SUFU: variants seen among roughly 807,000 people sequenced by gnomAD.
The protein encoded by SUFU is suppressor of fused homolog.
Under a neutral mutation model 58.9 loss-of-function variants are expected in SUFU, and 7 were observed. The observed-to-expected ratio is 0.12, with a 90% CI of 0.07 to 0.22. The LOEUF (loss-of-function observed/expected upper bound fraction) is 0.22, where lower values mean the gene tolerates loss of function less well. Among genes scored for constraint, SUFU ranks in the 10% least tolerant of loss-of-function variants. SUFU has a pLI of 1.00. For missense variants in SUFU, 451 were observed against 641.3 expected (o/e 0.70, Z 3.20); for synonymous variants, 232 against 254.8 (o/e 0.91, Z 0.85).
rs770989077 is a variant in SUFU at position 102,509,242 on chromosome 10, G to A, written c.256G>A (p.Glu86Lys). ...NVGSPSANIPEHWHYISFGLS... is the reference protein window; with the variant it reads ...NVGSPSANIPKHWHYISFGLS... ...GGGGAGCCCTTCTGCTAACATCCCC[G>A]AGCACTGGCACTACATCAGCTTCGG... The change falls in exon 2 of 12, where the codon GAG becomes AAG. Residue 86 changes from glutamate (E) to lysine (K), a missense_variant. Transcript: ENST00000369902. 4.3e-6 allele frequency: 7 copies of A among 1,614,036 alleles called. No homozygotes were observed. Among genetic ancestry groups the A allele is most frequent in the African/African-American group, 1.3e-5 (1 of 74,916 alleles).
At chr10:102,587,180 G>C (rs913489103) in intron 3 of SUFU, among the ~76,000 whole-genome samples, 1 of 152,158 alleles carries the variant, frequency 6.6e-6, no homozygotes, top group Non-Finnish European at 1.5e-5. Context: ...ACAAATATCT[G>C]TTTGAGACCA....
chr10:102,592,577 C>T lies in SUFU; in HGVS notation c.455-5C>T, dbSNP rs2135866563. Reference sequence around the variant, plus strand: ...ACAATGAGGATCCTTGTATCTCTCCCACAGAGAACACCTTCTGCAGTGGGG... The same window carrying T: ...ACAATGAGGATCCTTGTATCTCTCCTACAGAGAACACCTTCTGCAGTGGGG... On this transcript the variant is annotated splice_polypyrimidine_tract_variant and splice_region_variant and intron_variant, in intron 3 of 11. Transcript: ENST00000369902. 3 of 1,614,066 alleles carry T rather than the reference C, an allele frequency of 1.9e-6. No homozygotes were observed. The highest frequency in any genetic ancestry group is 2.5e-6 in the Non-Finnish European group (3 of 1,180,020).
chr10:102,588,686 C>T (rs2063362047), intron 3 of SUFU, among the ~76,000 whole-genome samples: 1 of 152,192 alleles, frequency 6.6e-6, no homozygotes, highest in Non-Finnish European at 1.5e-5. Flanking sequence ...AGGGATTGCA[C>T]TGAACCCGTA....
chr10:102,531,082 CAAAAAA>C (rs5787463), intron 2 of SUFU, among the ~76,000 whole-genome samples: 16 of 95,424 alleles, frequency 1.7e-4, no homozygotes, highest in African/African-American at 6.2e-4. Flanking sequence ...CCATTTCTAC[CAAAAAA>C]AAAAAAAAAA....
intron 5 of SUFU, 46 bp downstream of exon 5, chr10:102,593,767 G>A (rs1318350823): frequency 6.3e-7 from 1 of 1,589,722 alleles, no homozygotes; most frequent in South Asian, 1.1e-5. Flanking sequence ...GGGCCTGGGG[G>A]TGGGAGTCCC....
Position 102,617,280 on chromosome 10 carries a change from C to T in SUFU, c.1158-10C>T, listed in dbSNP as rs904045520. ...CCAGCTCCTCACTGTCTCCATGTTC[C>T]CATCTCCAGGGGCAGGCTCCTGCAT... is the stretch of plus-strand genomic sequence containing the variant. On this transcript the variant is annotated splice_polypyrimidine_tract_variant and intron_variant, in intron 9 of 11. Coordinates refer to ENST00000369902, the MANE Select transcript of SUFU (RefSeq NM_016169.4). This position sits in a 1 kb window ranked among gnomAD's most constrained non-coding sequence, Gnocchi z 4.4. 6 of 1,614,204 alleles carry T rather than the reference C, an allele frequency of 3.7e-6. No individual in the cohort carries two copies. The Admixed American group carries it at 8.3e-5, about 22-fold the overall frequency.
intron 2 of SUFU, among the ~76,000 whole-genome samples, chr10:102,537,431 C>G (rs1226678071): frequency 1.3e-5 from 2 of 152,100 alleles, no homozygotes. Flanking sequence ...GCACCCAGCC[C>G]AAAATTTACC....
At chr10:102,555,294 T>C (rs977679903) in intron 3 of SUFU, among the ~76,000 whole-genome samples, 6 of 148,724 alleles carry the variant, frequency 4.0e-5, no homozygotes, top group Non-Finnish European at 7.4e-5. Context: ...AAAAAAACTT[T>C]ATATGGATCA....
rs1331235927 is a variant in SUFU at position 102,631,144 on chromosome 10, TG to T, written c.*990del. On this transcript the variant is annotated 3_prime_UTR_variant, in exon 12 of 12. Coordinates refer to ENST00000369902, the MANE Select transcript of SUFU (RefSeq NM_016169.4). ...GGGTCTCCAGCTCTGTAACCAGTCC[TG>T]TCCCATTTCCTCAGTCCCTGGGCCT... is the stretch of plus-strand genomic sequence containing the variant. The T allele has an allele frequency of 8.6e-6, 2 of 233,356 alleles. No individual in the cohort carries two copies. The highest frequency in any genetic ancestry group is 4.4e-5 in the African/African-American group (2 of 45,348). 14.5% of individuals were successfully genotyped at this position (233,356 alleles called of 1,614,324 possible). A position where few individuals can be genotyped will look rare whatever the true frequency, so the allele number is the denominator to read the frequency against.
At position 102,612,169 on chromosome 10, in the gene SUFU, TTGTGTGTGTGTG is replaced by T. The variant is rs34032732; in HGVS notation, c.1023-3070_1023-3059del. ...AACAAATCAGCAGAAAACTGGGTTCTTGTGTGTGTGTGTGTGTGTGTGTGTGTGTGTGTGTGT... is the reference window on the plus strand; with the variant it reads ...AACAAATCAGCAGAAAACTGGGTTCTTGTGTGTGTGTGTGTGTGTGTGTGT... On this transcript the variant is annotated intron_variant, in intron 8 of 11. Transcript: ENST00000369902. Among the ~76,000 whole-genome samples, 64 of 148,328 alleles carry T rather than the reference TTGTGTGTGTGTG, an allele frequency of 4.3e-4. No individual in the cohort carries two copies. The South Asian group carries it at 9.7e-3, about 23-fold the overall frequency.
intron 1 of SUFU, among the ~76,000 whole-genome samples, chr10:102,507,961 A>ATTTTTTTTTTTTTTTTTTTTTTTTTT (rs3061832): frequency 8.6e-6 from 1 of 116,582 alleles, no homozygotes; most frequent in Non-Finnish European, 1.8e-5. Flanking sequence ...TTTCTTATCC[A>ATTTTTTTTTTTTTTTTTTTTTTTTTT]TTTTTTTTTT....
chr10:102,512,896 C>G (rs142566059), intron 2 of SUFU, among the ~76,000 whole-genome samples: 153 of 152,052 alleles, frequency 1.0e-3, no homozygotes, highest in Non-Finnish European at 1.8e-3. Flanking sequence ...AGACCCTCCC[C>G]CATCTCTACA....
intron 2 of SUFU, among the ~76,000 whole-genome samples, chr10:102,510,277 T>C (rs183566502): frequency 1.3e-5 from 2 of 152,184 alleles, no homozygotes; most frequent in East Asian, 3.9e-4. Flanking sequence ...TGGGGTGATC[T>C]TGGCTCACTG....
intron 1 of SUFU, among the ~76,000 whole-genome samples, chr10:102,505,803 C>T (rs1236824799): frequency 6.6e-6 from 1 of 152,152 alleles, no homozygotes; most frequent in African/African-American, 2.4e-5. Flanking sequence ...TGTTGAAGAG[C>T]GCTTCTGAGT....
chr10:102,613,109 G>A (rs1490249477), intron 8 of SUFU, among the ~76,000 whole-genome samples: 1 of 152,172 alleles, frequency 6.6e-6, no homozygotes. Context: ...GAAGTCTGAG[G>A]CTTCGATCAG....
chr10:102,503,991 G>A lies in SUFU; in HGVS notation c.-162G>A, dbSNP rs1433264163. ...TCTGGCAGACTCGGCGGCGGCGACA[G>A]CCTGGGCGGACAGTGCGCCGTGCGC... On this transcript the variant is annotated 5_prime_UTR_variant, in exon 1 of 12. Transcript: ENST00000369902. 2.8e-6 allele frequency: 3 copies of A among 1,067,912 alleles called. No homozygotes were observed. Among genetic ancestry groups the A allele is most frequent in the Non-Finnish European group, 3.8e-6 (3 of 797,380 alleles). 66.2% of individuals were successfully genotyped at this position (1,067,912 alleles called of 1,614,324 possible).
intron 3 of SUFU, among the ~76,000 whole-genome samples, chr10:102,588,240 A>G (rs1329565180): frequency 6.6e-6 from 1 of 151,986 alleles, no homozygotes; most frequent in Non-Finnish European, 1.5e-5. Flanking sequence ...AAAAATACAA[A>G]AAATTAGCTG....
intron 2 of SUFU, among the ~76,000 whole-genome samples, chr10:102,524,063 T>C (rs1165048218): frequency 6.6e-6 from 1 of 152,164 alleles, no homozygotes; most frequent in East Asian, 1.9e-4. Flanking sequence ...CTTTCGCAAA[T>C]AACTTCTCTC....
chr10:102,618,813 C>A (rs894231840), intron 10 of SUFU, among the ~76,000 whole-genome samples: 77 of 152,232 alleles, frequency 5.1e-4, no homozygotes, highest in African/African-American at 1.8e-3. Context: ...TGCGTCTGCC[C>A]CTGTGGAGAA....
Sources: gnomAD v4.1 joint callset for allele counts (sites outside exome capture counted in the v4.1 genomes callset) on GRCh38, gnomAD v4.1.1 for gene constraint, Gnocchi (gnomAD v3.1) non-coding constraint, MANE v1.5 for transcripts, NCBI Gene and HGNC (gene_info 2026-07-23, HGNC 2026-07-21) for gene names.